GPC6: variants seen among roughly 807,000 people sequenced by gnomAD.
GPC6 encodes the protein glypican 6, also known as glypican-6.
GPC6 carries 14 observed loss-of-function variants against 55.2 expected under a neutral mutation model. The observed-to-expected ratio is 0.25, with a 90% CI of 0.17 to 0.40. The LOEUF is 0.40. GPC6 is among the 10% of genes least tolerant of loss of function. The pLI, the probability that GPC6 is intolerant of heterozygous loss-of-function variation, is 1.00. For missense variants in GPC6, 641 were observed against 708.5 expected (o/e 0.90, Z 1.08); for synonymous variants, 278 against 259.6 (o/e 1.07, Z -0.68).
intron 6 of GPC6, among the ~76,000 whole-genome samples, chr13:94,343,122 G>A (rs1233694977): frequency 6.6e-6 from 1 of 152,200 alleles, no homozygotes; most frequent in Non-Finnish European, 1.5e-5. Flanking sequence ...GTAGCAACGA[G>A]GTGTCTATCA....
intron 3 of GPC6, among the ~76,000 whole-genome samples, chr13:94,022,570 G>A (rs1306259757): frequency 6.6e-6 from 1 of 152,018 alleles, no homozygotes; most frequent in African/African-American, 2.4e-5. Flanking sequence ...TCTTTACAAG[G>A]TGGTGATTTC....
At chr13:93,358,891 T>C (rs1880945463) in intron 1 of GPC6, among the ~76,000 whole-genome samples, 1 of 152,124 alleles carries the variant, frequency 6.6e-6, no homozygotes, top group Non-Finnish European at 1.5e-5. Flanking sequence ...TAATAGATGA[T>C]TAATAGGGGA....
chr13:93,468,608 A>G (rs1228795849), intron 1 of GPC6, among the ~76,000 whole-genome samples: 1 of 152,146 alleles, frequency 6.6e-6, no homozygotes, highest in African/African-American at 2.4e-5. Flanking sequence ...ATTCACAGCA[A>G]TCAGAACAAA....
At chr13:93,242,136 G>A (rs113362176) in intron 1 of GPC6, among the ~76,000 whole-genome samples, 124 of 152,224 alleles carry the variant, frequency 8.1e-4, no homozygotes, top group African/African-American at 2.9e-3. Context: ...TTAATTAGAG[G>A]TGTTCATGGG....
intron 2 of GPC6, among the ~76,000 whole-genome samples, chr13:93,720,509 A>G (rs1248603099): frequency 6.6e-6 from 1 of 151,810 alleles, no homozygotes; most frequent in African/African-American, 2.4e-5. Context: ...TAATCTTTTC[A>G]AGAAACAGCT....
At chr13:94,209,427 A>G (rs150508605) in intron 4 of GPC6, among the ~76,000 whole-genome samples, 158 of 152,354 alleles carry the variant, frequency 1.0e-3, no homozygotes, top group African/African-American at 3.7e-3. Flanking sequence ...CATTTGTCCA[A>G]CATGGCTCCT....
At chr13:94,055,624 G>T (rs1459580811) in intron 4 of GPC6, among the ~76,000 whole-genome samples, 2 of 152,164 alleles carry the variant, frequency 1.3e-5, no homozygotes, top group South Asian at 4.2e-4. Context: ...ACACTTTTTA[G>T]CAAAGAACCT....
At chr13:93,727,272 C>A (rs1883677259) in intron 2 of GPC6, among the ~76,000 whole-genome samples, 1 of 152,164 alleles carries the variant, frequency 6.6e-6, no homozygotes, top group Non-Finnish European at 1.5e-5. Context: ...AATATGGACT[C>A]TGTTCAGGAA....
chr13:93,531,613 G>C (rs1881871015), intron 1 of GPC6, among the ~76,000 whole-genome samples: 1 of 152,104 alleles, frequency 6.6e-6, no homozygotes, highest in African/African-American at 2.4e-5. Flanking sequence ...TTACATTACT[G>C]GGTGCTATGG....
chr13:94,006,748 C>A (rs979598835), intron 3 of GPC6, among the ~76,000 whole-genome samples: 1 of 152,154 alleles, frequency 6.6e-6, no homozygotes, highest in Non-Finnish European at 1.5e-5. Context: ...TGGCCTTTCT[C>A]ATTTCCGTTT....
At chr13:93,563,661 G>A (rs1322466173) in intron 2 of GPC6, among the ~76,000 whole-genome samples, 1 of 151,714 alleles carries the variant, frequency 6.6e-6, no homozygotes, top group Non-Finnish European at 1.5e-5. Context: ...AGCAAGTATA[G>A]CATTTGAAAG....
chr13:93,563,261 A>G (rs1210515502), intron 2 of GPC6, among the ~76,000 whole-genome samples: 3 of 152,178 alleles, frequency 2.0e-5, no homozygotes, highest in African/African-American at 7.2e-5. Context: ...AGACCTAGTT[A>G]TAGATGCCAC....
intron 6 of GPC6, among the ~76,000 whole-genome samples, chr13:94,376,515 G>A (rs1879862939): frequency 6.6e-6 from 1 of 151,712 alleles, no homozygotes; most frequent in Non-Finnish European, 1.5e-5. Context: ...CCTCTTCAAG[G>A]AGAACTACAA....
intron 6 of GPC6, among the ~76,000 whole-genome samples, chr13:94,309,156 T>C (rs569325791): frequency 6.6e-6 from 1 of 152,182 alleles, no homozygotes; most frequent in African/African-American, 2.4e-5. Flanking sequence ...TGGAAAAGAT[T>C]TCTCTTCATT....
intron 1 of GPC6, among the ~76,000 whole-genome samples, chr13:93,479,757 A>G (rs977093268): frequency 1.3e-5 from 2 of 152,210 alleles, no homozygotes; most frequent in African/African-American, 4.8e-5. Context: ...GCCGTCAGCA[A>G]TGTTGTGATT....
intron 2 of GPC6, among the ~76,000 whole-genome samples, chr13:93,603,684 C>A (rs953545833): frequency 2.0e-5 from 3 of 152,308 alleles, no homozygotes; most frequent in Middle Eastern, 3.4e-3. Context: ...CCATTAATTT[C>A]ATGACTGACT....
intron 1 of GPC6, among the ~76,000 whole-genome samples, chr13:93,479,908 GT>G (rs1879451270): frequency 6.6e-6 from 1 of 152,146 alleles, no homozygotes; most frequent in South Asian, 2.1e-4. Flanking sequence ...TATCTCTATG[GT>G]TTAATTCATT....
intron 2 of GPC6, chr13:93,818,619 T>C (rs994235287): frequency 1.3e-5 from 2 of 151,550 alleles, no homozygotes; most frequent in African/African-American, 4.9e-5. Context: ...AGAGGGAGAG[T>C]TGAGAGAGAG....
chr13:93,818,095 T>C (rs1031774500), intron 2 of GPC6, among the ~76,000 whole-genome samples: 11 of 147,844 alleles, frequency 7.4e-5, no homozygotes, highest in Admixed American at 6.8e-5. Context: ...ATTATATGTA[T>C]ATATTATATA....
Sources: gnomAD v4.1 joint callset for allele counts (sites outside exome capture counted in the v4.1 genomes callset) on GRCh38, gnomAD v4.1.1 for gene constraint, MANE v1.5 for transcripts, NCBI Gene and HGNC (gene_info 2026-07-23, HGNC 2026-07-21) for gene names.